ARHGEF12: variants seen among roughly 807,000 people sequenced by gnomAD.
ARHGEF12 encodes KMT2A/ARHGEF12 fusion protein.
ARHGEF12 carries 66 observed loss-of-function variants against 211.2 expected under a neutral mutation model. The ratio of observed to expected loss-of-function variants is 0.31; its 90% CI spans 0.26 to 0.38. The LOEUF is 0.38. Among genes scored for constraint, ARHGEF12 ranks in the 10% least tolerant of loss-of-function variants. The pLI is 1.00. For missense variants in ARHGEF12, 1,429 were observed against 1,869.5 expected (o/e 0.76, Z 4.34); for synonymous variants, 592 against 638.4 (o/e 0.93, Z 1.09).
At chr11:120,418,369 T>C (rs1037984513) in intron 4 of ARHGEF12, among the ~76,000 whole-genome samples, 10 of 152,250 alleles carry the variant, frequency 6.6e-5, no homozygotes, top group Non-Finnish European at 1.3e-4. Flanking sequence ...TTTTTATGTT[T>C]CATCCATGTT....
At chr11:120,393,666 A>C (rs1944288514) in intron 1 of ARHGEF12, among the ~76,000 whole-genome samples, 1 of 152,248 alleles carries the variant, frequency 6.6e-6, no homozygotes, top group Non-Finnish European at 1.5e-5. Context: ...ATCAAAATTC[A>C]TGTAACAAAA....
At position 120,449,229 on chromosome 11, in the gene ARHGEF12, G is replaced by A. The variant is rs1161260760; in HGVS notation, c.1843+15G>A. The stretch of plus-strand genomic sequence containing the variant: ...CAACAGTGCAAGTATGTTGAAGTTT[G>A]AAGTGCTGCATTTTCAGTACTCCAG... On this transcript the variant is annotated intron_variant, in intron 21 of 40. Transcript: ENST00000397843. 1.2e-6 allele frequency: 2 copies of A among 1,606,222 alleles called. No homozygotes were observed. Among genetic ancestry groups the A allele is most frequent in the Non-Finnish European group, 8.5e-7 (1 of 1,173,626 alleles).
chr11:120,397,235 C>T (rs996164017), intron 1 of ARHGEF12, among the ~76,000 whole-genome samples: 1 of 152,140 alleles, frequency 6.6e-6, no homozygotes, highest in Non-Finnish European at 1.5e-5. Flanking sequence ...ATAATTTTAC[C>T]CTGGCCCTTT....
intron 1 of ARHGEF12, among the ~76,000 whole-genome samples, chr11:120,386,971 T>C (rs896792257): frequency 3.3e-5 from 5 of 152,078 alleles, no homozygotes; most frequent in Non-Finnish European, 4.4e-5. Flanking sequence ...ATCATGATTA[T>C]TTGACATCAC....
chr11:120,368,690 T>C (rs1421481917), intron 1 of ARHGEF12, among the ~76,000 whole-genome samples: 3 of 152,250 alleles, frequency 2.0e-5, no homozygotes, highest in African/African-American at 7.2e-5. Context: ...ATTTTTTCTA[T>C]GTATGTTTCC....
chr11:120,484,432 T>C lies in ARHGEF12; in HGVS notation c.4555-6T>C. On this transcript the variant is annotated splice_region_variant and splice_polypyrimidine_tract_variant and intron_variant, in intron 39 of 40. Transcript: ENST00000397843. ...GAATAAAAAACCTATGGGTTTTATT[T>C]CACAGAAGGTGGAGGAAAGTTACAC... 1 of 1,612,986 alleles carries C rather than the reference T, an allele frequency of 6.2e-7. No homozygotes were observed. Among genetic ancestry groups the C allele is most frequent in the South Asian group, 1.1e-5 (1 of 90,704 alleles).
rs1311030791 is a variant in ARHGEF12 at position 120,433,544 on chromosome 11, A to G, written c.924+1633A>G. On this transcript the variant is annotated intron_variant, in intron 11 of 40. Coordinates refer to ENST00000397843, the MANE Select transcript of ARHGEF12 (RefSeq NM_015313.3). Reference sequence around the variant, plus strand: ...GTCTTGTCTGACTTTATGTTTCCAAAGTGTAGCAAATTGTAGGCATTCAGA... The same window carrying G: ...GTCTTGTCTGACTTTATGTTTCCAAGGTGTAGCAAATTGTAGGCATTCAGA... Among the ~76,000 whole-genome samples the G allele has an allele frequency of 2.2e-4, 33 of 152,228 alleles. 1 individual carries two copies. The highest frequency in any genetic ancestry group is 2.2e-3 in the Admixed American group (33 of 15,282).
chr11:120,428,598 T>C (rs1015615928), intron 8 of ARHGEF12, among the ~76,000 whole-genome samples: 1 of 152,194 alleles, frequency 6.6e-6, no homozygotes, highest in Non-Finnish European at 1.5e-5. Context: ...GAAATATTGC[T>C]TAGCATGTAG....
chr11:120,370,622 T>A (rs531395596), intron 1 of ARHGEF12, among the ~76,000 whole-genome samples: 2 of 152,294 alleles, frequency 1.3e-5, no homozygotes, highest in Admixed American at 6.5e-5. Context: ...CCTTAGAAAT[T>A]CCAGATATTC....
intron 10 of ARHGEF12, 126 bp downstream of exon 10, chr11:120,429,957 T>C: frequency 9.9e-7 from 1 of 1,010,858 alleles, no homozygotes; most frequent in Non-Finnish European, 1.4e-6. Flanking sequence ...CAGGATGTCC[T>C]GTTAAGGATG....
At chr11:120,355,072 G>C (rs1040233166) in intron 1 of ARHGEF12, among the ~76,000 whole-genome samples, 3 of 152,168 alleles carry the variant, frequency 2.0e-5, no homozygotes, top group Non-Finnish European at 4.4e-5. Context: ...AATTTACTGT[G>C]ATCGATATGA....
chr11:120,446,885 G>GCGT, intron 17 of ARHGEF12, 63 bp from the exon 18 acceptor site: 1 of 1,562,314 alleles, frequency 6.4e-7, no homozygotes. Flanking sequence ...CTGTGATGAA[G>GCGT]CGTCCCCAGA....
In ARHGEF12 at chr11:120,428,107, C is replaced by T; in HGVS notation, c.445C>T (p.Pro149Ser). The T allele has an allele frequency of 2.5e-6, 4 of 1,608,200 alleles. No individual in the cohort carries two copies. The highest frequency in any genetic ancestry group is 3.4e-6 in the Non-Finnish European group (4 of 1,177,584). The change falls in exon 8 of 41, where the codon CCT becomes TCT. Residue 149 changes from proline to serine, a missense_variant. Pro to Ser is a moderately conservative substitution (Grantham distance 74, BLOSUM62 -1). This residue lies in a region of ARHGEF12 where 254 missense variants were observed against 286.4 expected (regional missense o/e 0.89). Coordinates refer to ENST00000397843, the MANE Select transcript of ARHGEF12 (RefSeq NM_015313.3). ...AGCTCTCACTGTTCAGGGACGCCCA[C>T]CTGGGTCGCCCCAGATTCCACTTGC... ...YVALTVQGRP[P>S]GSPQIPLADS...
intron 1 of ARHGEF12, among the ~76,000 whole-genome samples, chr11:120,400,605 A>C (rs1200685324): frequency 6.6e-6 from 1 of 152,232 alleles, no homozygotes; most frequent in Non-Finnish European, 1.5e-5. Flanking sequence ...CAAAAGTGAT[A>C]ATTTTCCAGA....
At chr11:120,431,695 A>ATTTC (rs1945540270) in intron 10 of ARHGEF12, 76 bp from the exon 11 acceptor site, 1 of 1,422,772 alleles carries the variant, frequency 7.0e-7, no homozygotes, top group East Asian at 2.4e-5. Context: ...TAGTACCACT[A>ATTTC]TTTCTTTATG....
intron 30 of ARHGEF12, among the ~76,000 whole-genome samples, chr11:120,471,601 G>A (rs558684430): frequency 2.0e-5 from 3 of 152,236 alleles, no homozygotes; most frequent in South Asian, 2.1e-4. Context: ...GTGTTCTACT[G>A]TATGCAAATT....
intron 1 of ARHGEF12, among the ~76,000 whole-genome samples, chr11:120,346,310 C>T (rs1400482273): frequency 6.6e-6 from 1 of 152,222 alleles, no homozygotes; most frequent in Non-Finnish European, 1.5e-5. Context: ...GGATTGACTG[C>T]AGCATTGCTT....
intron 1 of ARHGEF12, among the ~76,000 whole-genome samples, chr11:120,338,422 C>T (rs570619171): frequency 6.6e-6 from 1 of 152,352 alleles, no homozygotes; most frequent in East Asian, 1.9e-4. Context: ...AGAAACAGAA[C>T]TTCCTCTTCC....
intron 1 of ARHGEF12, among the ~76,000 whole-genome samples, chr11:120,366,529 G>A (rs932391963): frequency 4.6e-5 from 7 of 152,182 alleles, no homozygotes; most frequent in Non-Finnish European, 1.0e-4. Context: ...ATCTGTTGTT[G>A]CAATTCAAAT....
Sources: allele counts gnomAD v4.1 joint callset (sites outside exome capture counted in the v4.1 genomes callset), GRCh38; gene constraint gnomAD v4.1.1; regional missense constraint gnomAD v4.1.1; transcripts MANE v1.5; gene names NCBI Gene and HGNC (gene_info 2026-07-23, HGNC 2026-07-21).